The following CDH13 variants were observed in gnomAD, a reference collection of about 807,000 sequenced individuals.
CDH13 encodes the protein cadherin-13.
CDH13 carries 24 observed loss-of-function variants against 63.8 expected under a neutral mutation model. The ratio of observed to expected loss-of-function variants is 0.38; its 90% CI spans 0.27 to 0.53. The LOEUF is 0.53. CDH13 is among the 20% of genes least tolerant of loss of function. The pLI, the probability that CDH13 is intolerant of heterozygous loss-of-function variation, is 0.85. For synonymous variants in CDH13, 503 were observed against 355.3 expected, an observed-to-expected ratio of 1.42 and a Z score of -4.67; for missense variants, 1,049 against 903.1, an observed-to-expected ratio of 1.16 and a Z score of -2.07.
At chr16:83,260,065 AG>A (rs563386092) in intron 5 of CDH13, among the ~76,000 whole-genome samples, 3 of 43,116 alleles carry the variant, frequency 7.0e-5, no homozygotes, top group Non-Finnish European at 9.3e-5. Context: ...AGTATATAAT[AG>A]TTTTTTTTTT....
intron 6 of CDH13, among the ~76,000 whole-genome samples, chr16:83,466,537 A>G (rs1029367853): frequency 9.9e-5 from 15 of 152,222 alleles, no homozygotes; most frequent in African/African-American, 3.4e-4. Context: ...TTTATATAAC[A>G]TTTTCCCTTA....
intron 6 of CDH13, among the ~76,000 whole-genome samples, chr16:83,347,502 T>C (rs1049895426): frequency 1.3e-5 from 2 of 152,180 alleles, no homozygotes; most frequent in Admixed American, 1.3e-4. Flanking sequence ...GCTGAATTCA[T>C]GGTGAACACA....
intron 4 of CDH13, among the ~76,000 whole-genome samples, chr16:83,207,541 C>T (rs1184760038): frequency 6.6e-6 from 1 of 152,078 alleles, no homozygotes. Context: ...TGATGGACAC[C>T]TGAGTTGTTC....
chr16:83,602,145 C>CAAAAAAAAAAAA (rs1907904808), intron 7 of CDH13, among the ~76,000 whole-genome samples: 1 of 44,462 alleles, frequency 2.2e-5, no homozygotes, highest in Non-Finnish European at 3.9e-5. Context: ...AAAAAAAAAC[C>CAAAAAAAAAAAA]CAAAGGACAA....
chr16:83,786,034 GGTGCCAGAA>G (rs1458220302), intron 13 of CDH13, among the ~76,000 whole-genome samples: 1 of 152,142 alleles, frequency 6.6e-6, no homozygotes, highest in African/African-American at 2.4e-5. Flanking sequence ...TGCTACCGAT[GGTGCCAGAA>G]AACCTGGCAC....
At chr16:83,029,975 A>C (rs1312339559) in intron 2 of CDH13, among the ~76,000 whole-genome samples, 2 of 152,254 alleles carry the variant, frequency 1.3e-5, no homozygotes, top group Admixed American at 6.5e-5. Context: ...GGAGGCAGAC[A>C]GGCAAATGCA....
intron 2 of CDH13, among the ~76,000 whole-genome samples, chr16:83,009,891 T>C (rs1650209357): frequency 6.6e-6 from 1 of 152,010 alleles, no homozygotes; most frequent in Non-Finnish European, 1.5e-5. Context: ...CTCAGCACTT[T>C]GGGAGGCCAA....
At chr16:82,969,584 G>A (rs539311870) in intron 2 of CDH13, among the ~76,000 whole-genome samples, 52 of 146,986 alleles carry the variant, frequency 3.5e-4, no homozygotes, top group African/African-American at 1.3e-3. Flanking sequence ...TTGACAATTT[G>A]AACTAGGTAA....
chr16:82,827,064 A>G (rs913857031), intron 1 of CDH13, among the ~76,000 whole-genome samples: 1 of 152,244 alleles, frequency 6.6e-6, no homozygotes, highest in Non-Finnish European at 1.5e-5. Context: ...TATTTCTATC[A>G]GTGGACACAT....
At chr16:83,463,204 A>T (rs2073223946) in intron 6 of CDH13, among the ~76,000 whole-genome samples, 1 of 152,214 alleles carries the variant, frequency 6.6e-6, no homozygotes, top group South Asian at 2.1e-4. Flanking sequence ...AACAGCAGGG[A>T]CCAAGGCCCA....
At chr16:83,592,867 A>G (rs1280767182) in intron 7 of CDH13, among the ~76,000 whole-genome samples, 8 of 152,226 alleles carry the variant, frequency 5.3e-5, no homozygotes. Context: ...AGAGGCCTAA[A>G]GACAAACACA....
chr16:83,135,837 AG>A (rs1567864624), intron 4 of CDH13, among the ~76,000 whole-genome samples: 1 of 152,230 alleles, frequency 6.6e-6, no homozygotes, highest in African/African-American at 2.4e-5. Context: ...AATACTACTC[AG>A]CCATCCAAAG....
At chr16:82,922,253 T>C (rs1264271323) in intron 2 of CDH13, among the ~76,000 whole-genome samples, 2 of 152,160 alleles carry the variant, frequency 1.3e-5, no homozygotes, top group East Asian at 3.8e-4. Flanking sequence ...TTTGTACCTT[T>C]TTTGTGTACT....
chr16:83,207,174 T>A (rs550869920), intron 4 of CDH13, among the ~76,000 whole-genome samples: 3 of 152,190 alleles, frequency 2.0e-5, no homozygotes, highest in Admixed American at 2.0e-4. Context: ...GCAACCATCA[T>A]CCCCATCCAT....
intron 6 of CDH13, among the ~76,000 whole-genome samples, chr16:83,364,639 C>A (rs146787379): frequency 2.6e-5 from 4 of 152,142 alleles, no homozygotes; most frequent in Non-Finnish European, 5.9e-5. Context: ...CTTGGTTAGT[C>A]TAGGGACCAG....
At chr16:83,097,509 G>A (rs897229218) in intron 3 of CDH13, among the ~76,000 whole-genome samples, 5 of 152,182 alleles carry the variant, frequency 3.3e-5, no homozygotes, top group Admixed American at 6.5e-5. Context: ...GAGTTACCAA[G>A]GAAGGCTGTA....
intron 1 of CDH13, among the ~76,000 whole-genome samples, chr16:82,798,954 G>A (rs548083179): frequency 1.7e-4 from 26 of 152,262 alleles, no homozygotes; most frequent in Middle Eastern, 6.8e-3. Context: ...GGTGCCCAAG[G>A]AAGCAGAGTT....
chr16:82,986,703 T>C (rs1175591393), intron 2 of CDH13, among the ~76,000 whole-genome samples: 3 of 152,354 alleles, frequency 2.0e-5, no homozygotes, highest in East Asian at 3.9e-4. Context: ...TTGCTTGAAC[T>C]ACATCCAATA....
intron 5 of CDH13, among the ~76,000 whole-genome samples, chr16:83,301,420 G>A (rs1031866608): frequency 5.9e-5 from 9 of 152,052 alleles, no homozygotes; most frequent in Admixed American, 1.3e-4. Flanking sequence ...GCTGTGCCGT[G>A]CTGGTTTTAC....
Sources: allele counts gnomAD v4.1 joint callset (sites outside exome capture counted in the v4.1 genomes callset), GRCh38; gene constraint gnomAD v4.1.1; transcripts MANE v1.5; gene names NCBI Gene and HGNC (gene_info 2026-07-23, HGNC 2026-07-21).